The following PCDHGA6 variants were observed in gnomAD, a reference collection of about 807,000 sequenced individuals.
The protein encoded by PCDHGA6 is protocadherin gamma subfamily A, 6, also known as protocadherin gamma-A6.
In PCDHGA6, 41 loss-of-function variants were observed where a neutral mutation model predicts 60.6. The ratio of observed to expected loss-of-function variants is 0.68; its 90% CI spans 0.53 to 0.88. The LOEUF (loss-of-function observed/expected upper bound fraction) is 0.88, where lower values mean the gene tolerates loss of function less well. PCDHGA6 is among the 40% of genes least tolerant of loss of function. PCDHGA6 has a pLI of 0.00. For missense variants in PCDHGA6, 1,312 were observed against 1,203.0 expected (o/e 1.09, Z -1.34); for synonymous variants, 594 against 524.4 (o/e 1.13, Z -1.81).
intron 1 of PCDHGA6, chr5:141,440,479 T>C (rs949675242): frequency 6.6e-6 from 1 of 152,172 alleles, no homozygotes; most frequent in African/African-American, 2.4e-5. Context: ...TTGAAAATTC[T>C]TTAAATGTTT....
intron 1 of PCDHGA6, among the ~76,000 whole-genome samples, chr5:141,433,408 A>ATCT (rs1413347413): frequency 3.1e-3 from 395 of 127,344 alleles, no homozygotes; most frequent in African/African-American, 0.011. Context: ...TCTATCTATT[A>ATCT]CTTTCTTGTA....
At chr5:141,500,417 G>A in intron 2 of PCDHGA6, among the ~76,000 whole-genome samples, 1 of 151,736 alleles carries the variant, frequency 6.6e-6, no homozygotes, top group East Asian at 2.0e-4. Flanking sequence ...CACCGTGTTA[G>A]CCAGGATGGT....
At chr5:141,434,515 G>A (rs1032584764) in intron 1 of PCDHGA6, among the ~76,000 whole-genome samples, 1 of 152,296 alleles carries the variant, frequency 6.6e-6, no homozygotes, top group African/African-American at 2.4e-5. Context: ...CTGCTTAAAG[G>A]TGTTCTTAAA....
Position 141,491,874 on chromosome 5 carries a change from T to G in PCDHGA6, c.2425-2933T>G, listed in dbSNP as rs1160702024. On this transcript the variant is annotated intron_variant, in intron 1 of 3. Coordinates refer to ENST00000517434, the MANE Select transcript of PCDHGA6 (RefSeq NM_018919.3). The surrounding 1 kb of genome is among the most constrained non-coding windows in gnomAD (Gnocchi z 6.9). ...GTTTGCGCGAAACCAGAGTGGCCGA[T>G]TAAGGGATGGGGCTCCGAGCACCGG... 15 of 1,451,168 alleles carry G rather than the reference T, an allele frequency of 1.0e-5. No homozygotes were observed. The highest frequency in any genetic ancestry group is 1.4e-5 in the Non-Finnish European group (15 of 1,098,162). 89.9% of individuals were successfully genotyped at this position (1,451,168 alleles called of 1,614,324 possible). A position where few individuals can be genotyped will look rare whatever the true frequency, so the allele number is the denominator to read the frequency against.
chr5:141,403,661 G>C (rs2094439419), intron 1 of PCDHGA6: 1 of 1,613,904 alleles, frequency 6.2e-7, no homozygotes, highest in Non-Finnish European at 8.5e-7. Context: ...GGATACAAAT[G>C]ATAATGCCCC....
intron 1 of PCDHGA6, among the ~76,000 whole-genome samples, chr5:141,439,024 T>C (rs1278127532): frequency 2.0e-5 from 3 of 151,510 alleles, no homozygotes; most frequent in African/African-American, 7.3e-5. Flanking sequence ...ATTTTGAAAA[T>C]AGATGCCTCA....
intron 1 of PCDHGA6, chr5:141,409,623 T>G: frequency 6.2e-7 from 1 of 1,613,854 alleles, no homozygotes; most frequent in Non-Finnish European, 8.5e-7. Context: ...ATTGCGCAAG[T>G]GAGCGCCTCT....
At chr5:141,427,092 G>T in intron 1 of PCDHGA6, 1 of 458,134 alleles carries the variant, frequency 2.2e-6, no homozygotes, top group Non-Finnish European at 4.4e-6. Flanking sequence ...CCAGGATGAG[G>T]GTGTCAATGC....
rs775081505 is a variant in PCDHGA6 at position 141,486,730 on chromosome 5, T to C, written c.2425-8077T>C. ...ACCCCCAGACAGGAGCTGTTCATGC[T>C]ACTCGATCCTTTGACTATGAGCAAA... On this transcript the variant is annotated intron_variant, in intron 1 of 3. Coordinates refer to ENST00000517434, the MANE Select transcript of PCDHGA6 (RefSeq NM_018919.3). This position sits in a 1 kb window ranked among gnomAD's most constrained non-coding sequence, Gnocchi z 5.0. 1 of 1,614,120 alleles carries C rather than the reference T, an allele frequency of 6.2e-7. No homozygotes were observed. Among genetic ancestry groups the C allele is most frequent in the Non-Finnish European group, 8.5e-7 (1 of 1,180,050 alleles).
chr5:141,489,483 T>G lies in PCDHGA6; in HGVS notation c.2425-5324T>G. 1.9e-6 allele frequency: 3 copies of G among 1,613,980 alleles called. No individual in the cohort carries two copies. The highest frequency in any genetic ancestry group is 2.5e-6 in the Non-Finnish European group (3 of 1,180,008). ...GCTATTTTTCCCTGAGCTTGATGAG[T>G]GGTGCCCTGGCAGTGAATCAAAAGA... On this transcript the variant is annotated intron_variant, in intron 1 of 3. Coordinates refer to ENST00000517434, the MANE Select transcript of PCDHGA6 (RefSeq NM_018919.3). This position sits in a 1 kb window ranked among gnomAD's most constrained non-coding sequence, Gnocchi z 4.5.
intron 1 of PCDHGA6, chr5:141,412,990 C>T: frequency 1.8e-6 from 1 of 569,958 alleles, no homozygotes. Flanking sequence ...AGAGCTCAAT[C>T]CGGATTCTCA....
At chr5:141,455,041 T>C (rs971722465) in intron 1 of PCDHGA6, among the ~76,000 whole-genome samples, 2 of 151,234 alleles carry the variant, frequency 1.3e-5, no homozygotes, top group Non-Finnish European at 2.9e-5. Flanking sequence ...CTCGATCTCC[T>C]GACCTCGTGA....
rs775153988 is a variant in PCDHGA6 at position 141,485,268 on chromosome 5, G to A, written c.2425-9539G>A. On this transcript the variant is annotated intron_variant, in intron 1 of 3. Coordinates refer to ENST00000517434, the MANE Select transcript of PCDHGA6 (RefSeq NM_018919.3). This position sits in a 1 kb window ranked among gnomAD's most constrained non-coding sequence, Gnocchi z 5.7. ...CTGGGTTACGTTTGTGGGCAGATCC[G>A]CTACCCGGTCCCAGAGGAGTCACAG... 6.2e-7 allele frequency: 1 copy of A among 1,614,100 alleles called. No homozygotes were observed. Among genetic ancestry groups the A allele is most frequent in the Non-Finnish European group, 8.5e-7 (1 of 1,179,936 alleles).
chr5:141,389,146 C>T (rs567517174), intron 1 of PCDHGA6: 17 of 1,613,996 alleles, frequency 1.1e-5, no homozygotes, highest in East Asian at 2.2e-5. Context: ...ATAACCGTTA[C>T]GGCAACAGAT....
At chr5:141,483,648 T>TTGTGTGTGTGTGTG (rs111458813) in intron 1 of PCDHGA6, among the ~76,000 whole-genome samples, 2 of 149,592 alleles carry the variant, frequency 1.3e-5, no homozygotes, top group Non-Finnish European at 3.0e-5. Context: ...GGGTGTGTGT[T>TTGTGTGTGTGTGTG]TGTGTGTGTG....
chr5:141,427,971 C>T (rs764145525), intron 1 of PCDHGA6: 1 of 1,593,512 alleles, frequency 6.3e-7, no homozygotes, highest in African/African-American at 1.3e-5. Flanking sequence ...GGTGCTGTAC[C>T]CCGCGCTGGG....
Position 141,374,079 on chromosome 5 carries a change from C to A in PCDHGA6, c.-5C>A. On this transcript the variant is annotated 5_prime_UTR_variant, in exon 1 of 4. Transcript: ENST00000517434. The stretch of plus-strand genomic sequence containing the variant: ...AATCCCAGAGAAGTTCCTAATAAGC[C>A]AGTAATGGCGCCTCCGCAGAGGCAT... The A allele has an allele frequency of 1.3e-6, 2 of 1,518,304 alleles. No individual in the cohort carries two copies. The highest frequency in any genetic ancestry group is 1.8e-6 in the Non-Finnish European group (2 of 1,134,618). The allele number at this position is 1,518,304 out of a possible 1,614,324, so 94.1% of individuals were successfully genotyped here. A position where few individuals can be genotyped will look rare whatever the true frequency, so the allele number is the denominator to read the frequency against.
At chr5:141,376,598 T>C (rs1266574901) in intron 1 of PCDHGA6, 91 bp downstream of exon 1, 35 of 1,542,956 alleles carry the variant, frequency 2.3e-5, no homozygotes, top group Admixed American at 1.7e-4. Context: ...TCGGCTGTTA[T>C]AGAAGCGAAC....
Position 141,375,926 on chromosome 5 carries a change from G to T in PCDHGA6, c.1843G>T (p.Gly615Ter), listed in dbSNP as rs1450226627. The change falls in exon 1 of 4, where the codon GGA becomes TGA. Residue 615 changes from glycine to a stop codon, truncating the protein, a stop_gained. Coordinates refer to ENST00000517434, the MANE Select transcript of PCDHGA6 (RefSeq NM_018919.3). LOFTEE classifies it high-confidence loss of function. ...SYRLLKASEP[G>*]LFSVGLHTGE... The stretch of plus-strand genomic sequence containing the variant: ...CCGCCTGCTCAAGGCCAGCGAGCCA[G>T]GACTTTTCTCAGTGGGCCTGCACAC... The T allele has an allele frequency of 6.2e-7, 1 of 1,613,758 alleles. No individual in the cohort carries two copies. Among genetic ancestry groups the T allele is most frequent in the South Asian group, 1.1e-5 (1 of 91,076 alleles).
Sources: gnomAD v4.1 joint callset for allele counts (sites outside exome capture counted in the v4.1 genomes callset) on GRCh38, gnomAD v4.1.1 for gene constraint, Gnocchi (gnomAD v3.1) non-coding constraint, MANE v1.5 for transcripts, NCBI Gene and HGNC (gene_info 2026-07-23, HGNC 2026-07-21) for gene names.